The following RHOT1 variants were observed in gnomAD, a reference collection of about 807,000 sequenced individuals.
RHOT1 encodes ras homolog family member T1, also known as mitochondrial Rho GTPase 1.
RHOT1 carries 27 observed loss-of-function variants against 95.3 expected under a neutral mutation model. That is an observed-to-expected ratio of 0.28 (90% CI 0.21 to 0.39). RHOT1 has a LOEUF of 0.39. Ranked by LOEUF, RHOT1 falls within the 10% of genes least tolerant of loss-of-function variation. The pLI, the probability that RHOT1 is intolerant of heterozygous loss-of-function variation, is 1.00. For missense variants in RHOT1, 578 were observed against 786.7 expected (o/e 0.73, Z 3.17); for synonymous variants, 227 against 263.5 (o/e 0.86, Z 1.34).
intron 11 of RHOT1, among the ~76,000 whole-genome samples, chr17:32,197,482 TG>T (rs2142810324): frequency 6.6e-6 from 1 of 152,164 alleles, no homozygotes; most frequent in South Asian, 2.1e-4. Flanking sequence ...TGGAGTGCAG[TG>T]GCGTGATCTC....
intron 6 of RHOT1, among the ~76,000 whole-genome samples, chr17:32,180,651 C>A (rs1386244160): frequency 5.6e-4 from 19 of 34,058 alleles, no homozygotes; most frequent in South Asian, 1.4e-3. Flanking sequence ...AAAAAAAGTA[C>A]AAGAAAAAAA....
chr17:32,150,991 G>T, intron 1 of RHOT1: 2 of 1,539,164 alleles, frequency 1.3e-6, no homozygotes, highest in Non-Finnish European at 1.8e-6. Flanking sequence ...GCTTCAATTT[G>T]AATCGCCGGT....
chr17:32,183,120 T>G, intron 7 of RHOT1, 51 bp from the exon 8 acceptor site: 2 of 1,417,300 alleles, frequency 1.4e-6, no homozygotes, highest in Non-Finnish European at 1.9e-6. Context: ...ATTTGAAAAT[T>G]GTTTTTAGCT....
chr17:32,190,788 G>A (rs1479288780), intron 8 of RHOT1, among the ~76,000 whole-genome samples: 1 of 152,046 alleles, frequency 6.6e-6, no homozygotes, highest in Non-Finnish European at 1.5e-5. Flanking sequence ...TATAAGGGAA[G>A]CCCCGTCAGA....
intron 1 of RHOT1, among the ~76,000 whole-genome samples, chr17:32,167,159 G>T (rs191023546): frequency 8.1e-4 from 123 of 152,160 alleles, no homozygotes; most frequent in African/African-American, 2.9e-3. Context: ...GGGTGACCAG[G>T]TGTATTGTCA....
At chr17:32,173,574 G>T (rs1456558938) in intron 2 of RHOT1, among the ~76,000 whole-genome samples, 2 of 151,784 alleles carry the variant, frequency 1.3e-5, no homozygotes, top group Non-Finnish European at 2.9e-5. Context: ...TTAGCTGGGC[G>T]CAGTGGTAGG....
intron 11 of RHOT1, among the ~76,000 whole-genome samples, chr17:32,196,971 A>C (rs2036934926): frequency 6.6e-6 from 1 of 151,756 alleles, no homozygotes; most frequent in Non-Finnish European, 1.5e-5. Context: ...AAAATACAAA[A>C]AATTAGCCGA....
intron 4 of RHOT1, among the ~76,000 whole-genome samples, 198 bp downstream of exon 4, chr17:32,175,560 G>A (rs1384221120): frequency 6.6e-6 from 1 of 152,094 alleles, no homozygotes; most frequent in Non-Finnish European, 1.5e-5. Context: ...AGGCTCAAGC[G>A]ATTCTCATGC....
chr17:32,197,583 A>G (rs1285794943), intron 11 of RHOT1, among the ~76,000 whole-genome samples: 1 of 151,098 alleles, frequency 6.6e-6, no homozygotes, highest in Non-Finnish European at 1.5e-5. Flanking sequence ...CCACCACCAC[A>G]CCCAGCTAAT....
chr17:32,179,526 G>A (rs541516605), intron 6 of RHOT1: 24 of 122,696 alleles, frequency 2.0e-4, no homozygotes, highest in East Asian at 5.5e-4. Context: ...CGGCCGCCCC[G>A]TCTGGGAAGT....
rs191042835 is a variant in RHOT1 at position 32,205,755 on chromosome 17, G to A, written c.1417-1155G>A. Among the ~76,000 whole-genome samples, 143 of 152,086 alleles carry A rather than the reference G, an allele frequency of 9.4e-4. 1 individual carries two copies. Among genetic ancestry groups the A allele is most frequent in the Middle Eastern group, 3.4e-3 (1 of 294 alleles). ...GACCAACGTGGAGAAACCCTGTCCC[G>A]GGCTGGTCTCAAACTCCTGGGCTCA... On this transcript the variant is annotated intron_variant, in intron 16 of 19. Coordinates refer to ENST00000545287, the MANE Select transcript of RHOT1 (RefSeq NM_001033566.3).
intron 1 of RHOT1, chr17:32,150,379 G>C: frequency 2.5e-6 from 1 of 403,156 alleles, no homozygotes; most frequent in Non-Finnish European, 4.4e-6. Context: ...TCATGTGTAA[G>C]ATGCAAGAAG....
chr17:32,157,704 TGAGA>T (rs950218058), intron 1 of RHOT1, among the ~76,000 whole-genome samples: 39 of 152,012 alleles, frequency 2.6e-4, no homozygotes, highest in African/African-American at 5.6e-4. Context: ...CTCAGAAGGC[TGAGA>T]GACAGGAGAA....
chr17:32,151,051 C>CTTGGAGAAGGCAT, intron 1 of RHOT1: 2 of 1,385,922 alleles, frequency 1.4e-6, no homozygotes, highest in Non-Finnish European at 2.0e-6. Flanking sequence ...GTGGTCTGTT[C>CTTGGAGAAGGCAT]TTGGAGAAGG....
At chr17:32,221,150 C>T (rs766928773) in intron 19 of RHOT1, 2 of 472,654 alleles carry the variant, frequency 4.2e-6, no homozygotes, top group Non-Finnish European at 5.5e-6. Context: ...GGTGGATCAC[C>T]TGAGATCAGG....
At position 32,194,016 on chromosome 17, in the gene RHOT1, CAGAGAGGG is replaced by C; in HGVS notation, c.782_789del (p.Arg261ThrfsTer14). 1 of 1,613,410 alleles carries C rather than the reference CAGAGAGGG, an allele frequency of 6.2e-7. No homozygotes were observed. Among genetic ancestry groups the C allele is most frequent in the Non-Finnish European group, 8.5e-7 (1 of 1,179,500 alleles). ...TCTCTTTTTACACACACTTTTTATC[CAGAGAGGG>C]AGACACGAAACTACTTGGACTGTGC... On this transcript the variant is annotated frameshift_variant, in exon 11 of 20. Coordinates refer to ENST00000545287, the MANE Select transcript of RHOT1 (RefSeq NM_001033566.3). LOFTEE classifies it high-confidence loss of function.
chr17:32,170,920 A>C, intron 1 of RHOT1, 123 bp from the exon 2 acceptor site: 1 of 576,640 alleles, frequency 1.7e-6, no homozygotes, highest in Non-Finnish European at 3.1e-6. Flanking sequence ...ATTATACTAA[A>C]ACTTAATAAT....
intron 15 of RHOT1, among the ~76,000 whole-genome samples, chr17:32,203,500 T>C (rs1472299006): frequency 6.6e-6 from 1 of 152,016 alleles, no homozygotes; most frequent in Non-Finnish European, 1.5e-5. Context: ...GGTCTTGAAC[T>C]ACTTGGCCTC....
chr17:32,145,986 A>C (rs1022433222), intron 1 of RHOT1, among the ~76,000 whole-genome samples: 4 of 151,660 alleles, frequency 2.6e-5, no homozygotes, highest in Non-Finnish European at 5.9e-5. Context: ...CCTGCACTCC[A>C]GCCTGGTTGA....
Sources: allele counts gnomAD v4.1 joint callset (sites outside exome capture counted in the v4.1 genomes callset), GRCh38; gene constraint gnomAD v4.1.1; transcripts MANE v1.5; gene names NCBI Gene and HGNC (gene_info 2026-07-23, HGNC 2026-07-21).